The following RAB3GAP1 variants were observed in gnomAD, a reference collection of about 807,000 sequenced individuals.
The protein encoded by RAB3GAP1 is RAB3 GTPase activating protein catalytic subunit 1, also known as rab3 GTPase-activating protein catalytic subunit.
Under a neutral mutation model 130.7 loss-of-function variants are expected in RAB3GAP1, and 86 were observed. The observed-to-expected ratio is 0.66, with a 90% CI of 0.55 to 0.79. The LOEUF (loss-of-function observed/expected upper bound fraction) is 0.79, where lower values mean the gene tolerates loss of function less well. Ranked by LOEUF, RAB3GAP1 falls within the 30% of genes least tolerant of loss-of-function variation. The pLI is 0.00. For missense variants in RAB3GAP1, 1,029 were observed against 1,169.4 expected (o/e 0.88, Z 1.75); for synonymous variants, 367 against 401.7 (o/e 0.91, Z 1.03).
At chr2:135,150,694 A>G (rs1452576922) in intron 18 of RAB3GAP1, among the ~76,000 whole-genome samples, 188 bp downstream of exon 18, 2 of 152,250 alleles carry the variant, frequency 1.3e-5, no homozygotes, top group Non-Finnish European at 2.9e-5. Context: ...TTAAGTTTTA[A>G]AAAAGCAAAG....
chr2:135,150,286 G>T (rs916319652), intron 17 of RAB3GAP1, 83 bp from the exon 18 acceptor site: 4 of 1,532,912 alleles, frequency 2.6e-6, no homozygotes, highest in Non-Finnish European at 3.6e-6. Flanking sequence ...TAGCTGAAAT[G>T]ACTGTTGTCT....
At chr2:135,064,755 G>GTTTTTTTTTTT (rs746093269) in intron 3 of RAB3GAP1, among the ~76,000 whole-genome samples, 3 of 104,970 alleles carry the variant, frequency 2.9e-5, no homozygotes, top group Non-Finnish European at 4.2e-5. Context: ...GAGGTGTTTT[G>GTTTTTTTTTTT]TTTTTTTTTT....
intron 18 of RAB3GAP1, 94 bp from the exon 19 acceptor site, chr2:135,153,551 TTAGA>T: frequency 1.8e-6 from 2 of 1,116,314 alleles, no homozygotes; most frequent in Non-Finnish European, 2.7e-6. Context: ...ATTGTAAAGA[TTAGA>T]TAGGCTTTTT....
chr2:135,059,764 A>G (rs1689115783), intron 3 of RAB3GAP1, among the ~76,000 whole-genome samples: 2 of 152,210 alleles, frequency 1.3e-5, no homozygotes, highest in Admixed American at 6.5e-5. Flanking sequence ...AGTAGGTAGC[A>G]TACTGCCAGG....
rs372759264 is a variant in RAB3GAP1, at chr2:135,130,608, A to G, written c.1123A>G (p.Ile375Val). The change falls in exon 13 of 24, where the codon ATT becomes GTT. Residue 375 changes from isoleucine (I) to valine (V), a missense_variant. Around this residue, in one of 3 missense-constraint regions of RAB3GAP1, gnomAD observed 510 missense variants for 532.1 expected, o/e 0.96. Transcript: ENST00000264158. ...ATTGACAGAGCCGGCATCAGTTCCAATTCATAAATTATCAGTTTCAAATAT... is the reference window on the plus strand; with the variant it reads ...ATTGACAGAGCCGGCATCAGTTCCAGTTCATAAATTATCAGTTTCAAATAT... ...SKLTEPASVPIHKLSVSNMVH... is the reference protein window; with the variant it reads ...SKLTEPASVPVHKLSVSNMVH... 8.1e-6 allele frequency: 13 copies of G among 1,613,756 alleles called. No individual in the cohort carries two copies. Among genetic ancestry groups the G allele is most frequent in the Middle Eastern group, 1.6e-4 (1 of 6,082 alleles).
chr2:135,146,946 T>G (rs1692012718), intron 17 of RAB3GAP1, among the ~76,000 whole-genome samples: 1 of 150,746 alleles, frequency 6.6e-6, no homozygotes, highest in Non-Finnish European at 1.5e-5. Context: ...GTATGTTGAT[T>G]ATGTGATTAT....
intron 3 of RAB3GAP1, among the ~76,000 whole-genome samples, chr2:135,061,915 C>T (rs1022626384): frequency 1.3e-5 from 2 of 152,030 alleles, no homozygotes; most frequent in Admixed American, 6.5e-5. Flanking sequence ...ACACTTTTTC[C>T]ATTGAGTTGC....
intron 3 of RAB3GAP1, among the ~76,000 whole-genome samples, chr2:135,076,044 G>A (rs1195515296): frequency 6.6e-6 from 1 of 151,686 alleles, no homozygotes; most frequent in African/African-American, 2.4e-5. Flanking sequence ...CTGAGTAGCT[G>A]GGATTACAGG....
At chr2:135,099,673 G>A (rs1020385395) in intron 5 of RAB3GAP1, among the ~76,000 whole-genome samples, 1 of 148,470 alleles carries the variant, frequency 6.7e-6, no homozygotes, top group Non-Finnish European at 1.5e-5. Flanking sequence ...TTTTTTAACC[G>A]TTTGATAGAA....
chr2:135,176,052 C>CA (rs1692994605), intron 24 of RAB3GAP1, among the ~76,000 whole-genome samples: 1 of 152,088 alleles, frequency 6.6e-6, no homozygotes, highest in African/African-American at 2.4e-5. Flanking sequence ...ACAAAATCCC[C>CA]AAAATACGGT....
At chr2:135,074,935 C>T (rs1421147380) in intron 3 of RAB3GAP1, among the ~76,000 whole-genome samples, 1 of 152,080 alleles carries the variant, frequency 6.6e-6, no homozygotes, top group Non-Finnish European at 1.5e-5. Context: ...GAATGTTGTG[C>T]CAGCAGGTTG....
chr2:135,111,793 C>G (rs1690807482), intron 5 of RAB3GAP1, among the ~76,000 whole-genome samples: 1 of 151,966 alleles, frequency 6.6e-6, no homozygotes, highest in Admixed American at 6.6e-5. Context: ...TATCAGATTT[C>G]TTTATACTTA....
chr2:135,058,633 A>C (rs1385660458), intron 3 of RAB3GAP1: 1 of 152,262 alleles, frequency 6.6e-6, no homozygotes, highest in Non-Finnish European at 1.5e-5. Flanking sequence ...AGAATGAAAA[A>C]ATTACTCTTT....
chr2:135,068,161 A>C (rs1689374182), intron 3 of RAB3GAP1, among the ~76,000 whole-genome samples: 2 of 152,188 alleles, frequency 1.3e-5, no homozygotes. Context: ...AGCACCTATC[A>C]GTTAAAAGCA....
chr2:135,070,590 C>T (rs1223439966), intron 3 of RAB3GAP1, among the ~76,000 whole-genome samples: 2 of 152,106 alleles, frequency 1.3e-5, no homozygotes, highest in African/African-American at 2.4e-5. Flanking sequence ...TCACTGCAAC[C>T]TCTGCCTCCC....
At chr2:135,125,021 A>G (rs553796514) in intron 9 of RAB3GAP1, among the ~76,000 whole-genome samples, 1 of 152,220 alleles carries the variant, frequency 6.6e-6, no homozygotes, top group African/African-American at 2.4e-5. Context: ...TGGTATTTTA[A>G]TATTTACAGA....
intron 19 of RAB3GAP1, among the ~76,000 whole-genome samples, chr2:135,161,062 A>G (rs770750347): frequency 1.7e-4 from 26 of 152,356 alleles, no homozygotes; most frequent in Non-Finnish European, 3.7e-4. Flanking sequence ...AGGGGAAAAC[A>G]AAATTCAGAA....
intron 5 of RAB3GAP1, among the ~76,000 whole-genome samples, chr2:135,095,418 A>G (rs1288611911): frequency 1.3e-5 from 2 of 152,222 alleles, no homozygotes; most frequent in Non-Finnish European, 2.9e-5. Context: ...TGTATTTCAT[A>G]ATCCAGGGTA....
In RAB3GAP1 at chr2:135,169,953, G is replaced by T; in HGVS notation, c.*1172G>T. The T allele has an allele frequency of 3.8e-6, 1 of 260,968 alleles. No homozygotes were observed. The highest frequency in any genetic ancestry group is 3.8e-5 in the South Asian group (1 of 26,064). 16.2% of individuals were successfully genotyped at this position (260,968 alleles called of 1,614,324 possible). A position where few individuals can be genotyped will look rare whatever the true frequency, so the allele number is the denominator to read the frequency against. On this transcript the variant is annotated 3_prime_UTR_variant, in exon 24 of 24. Coordinates refer to ENST00000264158, the MANE Select transcript of RAB3GAP1 (RefSeq NM_012233.3). ...GTAATTTTAAAAAATTAATAGAGCTGTGCAAACCCTGTTATTTTTGTAAAA... is the reference window on the plus strand; with the variant it reads ...GTAATTTTAAAAAATTAATAGAGCTTTGCAAACCCTGTTATTTTTGTAAAA...
Sources: gnomAD v4.1 joint callset for allele counts (sites outside exome capture counted in the v4.1 genomes callset) on GRCh38, gnomAD v4.1.1 for gene constraint, gnomAD v4.1.1 regional missense constraint, MANE v1.5 for transcripts, NCBI Gene and HGNC (gene_info 2026-07-23, HGNC 2026-07-21) for gene names.